Variants in ABLIM1 observed in about 807,000 individuals in gnomAD.
ABLIM1 encodes actin-binding LIM protein 1.
Under a neutral mutation model 107.0 loss-of-function variants are expected in ABLIM1, and 40 were observed. The ratio of observed to expected loss-of-function variants is 0.37; its 90% CI spans 0.29 to 0.49. ABLIM1 has a LOEUF of 0.49. ABLIM1 is among the 20% of genes least tolerant of loss of function. The probability of loss-of-function intolerance (pLI) is 0.97; values close to 1 mark genes in which losing one functional copy is unlikely to be tolerated. For missense variants in ABLIM1, 857 were observed against 1,008.5 expected, an observed-to-expected ratio of 0.85 and a Z score of 2.04; for synonymous variants, 357 against 357.3, an observed-to-expected ratio of 1.00 and a Z score of 0.01.
intron 7 of ABLIM1, among the ~76,000 whole-genome samples, chr10:114,491,074 T>A (rs1180321389): frequency 2.7e-5 from 4 of 148,292 alleles, no homozygotes; most frequent in Non-Finnish European, 5.9e-5. Flanking sequence ...TTCCCTATGT[T>A]GCCCAGGATG....
In ABLIM1 at chr10:114,432,578, A is replaced by G. The variant is rs1428642732; in HGVS notation, c.*3682T>C. 1.3e-5 allele frequency: 2 copies of G among 152,258 alleles called. No homozygotes were observed. The highest frequency in any genetic ancestry group is 1.9e-4 in the East Asian group (1 of 5,202). 9.4% of individuals were successfully genotyped at this position (152,258 alleles called of 1,614,324 possible). Reference sequence around the variant, plus strand: ...TTCTTAGAAAAAAATGTTTGCTTCAATGTCTAAAGAAATCCAGTGAAAGTT... The same window carrying G: ...TTCTTAGAAAAAAATGTTTGCTTCAGTGTCTAAAGAAATCCAGTGAAAGTT... On this transcript the variant is annotated 3_prime_UTR_variant, in exon 23 of 23. Coordinates refer to ENST00000533213, the MANE Select transcript of ABLIM1 (RefSeq NM_002313.7).
At chr10:114,786,825 G>A in the ABLIM1 span, among the ~76,000 whole-genome samples, 1 of 152,206 alleles carries the variant, frequency 6.6e-6, no homozygotes, top group East Asian at 1.9e-4. Context: ...GGAGTGCAGT[G>A]GCGTGATCTC....
rs190102014 is a variant in ABLIM1, at chr10:114,764,208, G to A, written c.-213+3853C>T. Among the ~76,000 whole-genome samples, 12 of 152,316 alleles carry A rather than the reference G, an allele frequency of 7.9e-5. No individual in the cohort carries two copies. In the East Asian group the frequency reaches 2.3e-3, roughly 29 times the overall value. ...CAACACCAAGTTACAAGTCTTTGAT[G>A]AGAGTATCCTAAAATACCACAAGAT... On this transcript the variant is annotated intron_variant, in intron 1 of 15. Transcript: ENST00000651092.
chr10:114,711,512 A>G (rs879748090), intron 1 of ABLIM1, among the ~76,000 whole-genome samples: 2 of 152,178 alleles, frequency 1.3e-5, no homozygotes, highest in Admixed American at 6.5e-5. Context: ...CTAAACCTGC[A>G]TATCAGCCAG....
At chr10:114,736,697 T>TAA (rs1039159575) in intron 1 of ABLIM1, among the ~76,000 whole-genome samples, 3 of 152,214 alleles carry the variant, frequency 2.0e-5, no homozygotes, top group African/African-American at 7.2e-5. Flanking sequence ...TTTCTGCTTT[T>TAA]AAAACCCGAT....
chr10:114,738,863 C>A (rs956040542), intron 1 of ABLIM1, among the ~76,000 whole-genome samples: 1 of 151,834 alleles, frequency 6.6e-6, no homozygotes, highest in Non-Finnish European at 1.5e-5. Flanking sequence ...TCAGGATGCA[C>A]AAGGACATGC....
chr10:114,541,935 G>GAC (rs368305169), intron 6 of ABLIM1, among the ~76,000 whole-genome samples: 25 of 150,772 alleles, frequency 1.7e-4, no homozygotes, highest in East Asian at 5.9e-4. Flanking sequence ...CACACACTCA[G>GAC]ACACACACAC....
At chr10:114,506,723 A>G (rs2061203515) in intron 6 of ABLIM1, among the ~76,000 whole-genome samples, 1 of 152,206 alleles carries the variant, frequency 6.6e-6, no homozygotes, top group Non-Finnish European at 1.5e-5. Flanking sequence ...AGTTTCTTAC[A>G]GATTCTGGAT....
chr10:114,639,727 T>C (rs2078650479), intron 1 of ABLIM1, among the ~76,000 whole-genome samples: 1 of 152,242 alleles, frequency 6.6e-6, no homozygotes, highest in South Asian at 2.1e-4. Flanking sequence ...CATCCTGACA[T>C]TTGTAATAAT....
chr10:114,498,618 C>T (rs2059993197), intron 6 of ABLIM1, among the ~76,000 whole-genome samples: 1 of 152,132 alleles, frequency 6.6e-6, no homozygotes, highest in South Asian at 2.1e-4. Context: ...GGAAGATGGC[C>T]CTGAAGTTCA....
intron 6 of ABLIM1, among the ~76,000 whole-genome samples, chr10:114,502,920 C>G (rs1305962785): frequency 1.3e-5 from 2 of 152,168 alleles, no homozygotes; most frequent in African/African-American, 4.8e-5. Context: ...GTGTCCTCTT[C>G]CAATGATGAC....
chr10:114,518,403 T>C lies in ABLIM1; in HGVS notation c.895-26525A>G, dbSNP rs184199187. ...GAACCACATGCAATGGGCCAGATAG[T>C]ACATATTTTCAGCTTTGTGGACTAC... On this transcript the variant is annotated intron_variant, in intron 6 of 22. Transcript: ENST00000533213. Among the ~76,000 whole-genome samples, 305 of 152,082 alleles carry C rather than the reference T, an allele frequency of 2.0e-3. 1 individual carries two copies. The highest frequency in any genetic ancestry group is 3.4e-3 in the Non-Finnish European group (233 of 68,004).
intron 2 of ABLIM1, among the ~76,000 whole-genome samples, chr10:114,590,294 GTACT>G (rs2074713641): frequency 6.6e-6 from 1 of 152,120 alleles, no homozygotes; most frequent in Admixed American, 6.6e-5. Flanking sequence ...GACATAAGAT[GTACT>G]TACTTAAGAA....
At position 114,619,931 on chromosome 10, in the gene ABLIM1, T is replaced by TGAAA. The variant is rs150543271; in HGVS notation, c.245-17974_245-17971dup. ...CTTCTGTTAAGGATAAAGTGGCAAATGAAAGATTCAGACATTCTTTTGTCA... is the reference window on the plus strand; with the variant it reads ...CTTCTGTTAAGGATAAAGTGGCAAATGAAAGAAAGATTCAGACATTCTTTTGTCA... On this transcript the variant is annotated intron_variant, in intron 1 of 22. Transcript: ENST00000533213. This position sits in a 1 kb window ranked among gnomAD's most constrained non-coding sequence, Gnocchi z 4.1. Among the ~76,000 whole-genome samples the TGAAA allele has an allele frequency of 0.025, 3,749 of 152,276 alleles. 161 individuals carry two copies. The highest frequency in any genetic ancestry group is 0.086 in the African/African-American group (3,585 of 41,532).
chr10:114,504,949 G>A (rs936802672), intron 6 of ABLIM1, among the ~76,000 whole-genome samples: 6 of 152,134 alleles, frequency 3.9e-5, no homozygotes, highest in African/African-American at 1.4e-4. Context: ...GACATGGAGA[G>A]AGGATGAAGT....
intron 1 of ABLIM1, among the ~76,000 whole-genome samples, chr10:114,708,569 T>C (rs2081475955): frequency 6.6e-6 from 1 of 152,092 alleles, no homozygotes; most frequent in African/African-American, 2.4e-5. Context: ...GGGGAAAACA[T>C]GGGGAGAATA....
Position 114,474,895 on chromosome 10 carries a change from T to C in ABLIM1, c.1042-939A>G, listed in dbSNP as rs577414083. Among the ~76,000 whole-genome samples, 17 of 152,310 alleles carry C rather than the reference T, an allele frequency of 1.1e-4. 1 individual carries two copies. Among genetic ancestry groups the C allele is most frequent in the African/African-American group, 4.1e-4 (17 of 41,574 alleles). ...ATAAGTCTCACGAGACTGATGATTT[T>C]ATAAATGGGAGTTTCCCTGCACAAG... On this transcript the variant is annotated intron_variant, in intron 8 of 22. Coordinates refer to ENST00000533213, the MANE Select transcript of ABLIM1 (RefSeq NM_002313.7).
chr10:114,670,947 C>T (rs1185499332), intron 1 of ABLIM1, among the ~76,000 whole-genome samples: 1 of 152,102 alleles, frequency 6.6e-6, no homozygotes, highest in African/African-American at 2.4e-5. Flanking sequence ...ATATATCTTA[C>T]CTACAAAGTT....
At chr10:114,701,842 C>A (rs886842616) in intron 1 of ABLIM1, among the ~76,000 whole-genome samples, 12 of 152,160 alleles carry the variant, frequency 7.9e-5, no homozygotes, top group Non-Finnish European at 1.0e-4. Context: ...GTGTATCTAT[C>A]TGTAAAACTT....
Sources: allele counts gnomAD v4.1 joint callset (sites outside exome capture counted in the v4.1 genomes callset), GRCh38; gene constraint gnomAD v4.1.1; non-coding constraint Gnocchi (gnomAD v3.1); transcripts MANE v1.5; gene names NCBI Gene and HGNC (gene_info 2026-07-23, HGNC 2026-07-21).